Variants in U2AF2 observed in about 807,000 individuals in gnomAD.
U2AF2 encodes the protein U2 small nuclear RNA auxiliary factor 2.
In U2AF2, 6 loss-of-function variants were observed where a neutral mutation model predicts 52.6. The ratio of observed to expected loss-of-function variants is 0.11; its 90% CI spans 0.06 to 0.23. U2AF2 has a LOEUF of 0.23. Ranked by LOEUF, U2AF2 falls within the 10% of genes least tolerant of loss-of-function variation. The pLI, the probability that U2AF2 is intolerant of heterozygous loss-of-function variation, is 1.00. For missense variants in U2AF2, 222 were observed against 677.1 expected (o/e 0.33, Z 7.46); for synonymous variants, 284 against 258.2 (o/e 1.10, Z -0.96).
intron 11 of U2AF2, among the ~76,000 whole-genome samples, chr19:55,672,883 G>A (rs1333393554): frequency 6.6e-6 from 1 of 151,866 alleles, no homozygotes; most frequent in East Asian, 1.9e-4. Context: ...GACTTTGTGA[G>A]CCGCCCGTCT....
chr19:55,671,541 G>C lies in U2AF2; in HGVS notation c.1293+1849G>C, dbSNP rs145659291. The C allele has an allele frequency of 4.5e-3, 686 of 152,476 alleles. 2 individuals carry two copies. The highest frequency in any genetic ancestry group is 9.9e-3 in the Admixed American group (151 of 15,306). 9.4% of individuals were successfully genotyped at this position (152,476 alleles called of 1,614,324 possible). The stretch of plus-strand genomic sequence containing the variant: ...CTGTCGAGGCCCTGCTTGGGATGTC[G>C]GAGTGGTTTGCCCAGGGAGAGCAGG... On this transcript the variant is annotated intron_variant, in intron 11 of 11. Coordinates refer to ENST00000308924, the MANE Select transcript of U2AF2 (RefSeq NM_007279.3).
In U2AF2 at chr19:55,658,429, CAAAT is replaced by C. The variant is rs1470980516; in HGVS notation, c.50-779_50-776del. Among the ~76,000 whole-genome samples, 4 of 152,004 alleles carry C rather than the reference CAAAT, an allele frequency of 2.6e-5. No homozygotes were observed. In the East Asian group the frequency reaches 7.7e-4, roughly 29 times the overall value. The stretch of plus-strand genomic sequence containing the variant: ...CTCCGTTCCTAGTGGCTACCTCAGG[CAAAT>C]AGAGGGTTGAGGGAGCCTGCTGGAG... On this transcript the variant is annotated intron_variant, in intron 1 of 11. Coordinates refer to ENST00000308924, the MANE Select transcript of U2AF2 (RefSeq NM_007279.3).
intron 5 of U2AF2, among the ~76,000 whole-genome samples, chr19:55,661,520 ACACAC>A (rs1984197421): frequency 1.4e-5 from 2 of 147,714 alleles, no homozygotes. Flanking sequence ...ACACACACAC[ACACAC>A]ACACACACAC....
At position 55,655,074 on chromosome 19, in the gene U2AF2, G is replaced by T; in HGVS notation, c.-31G>T. On this transcript the variant is annotated 5_prime_UTR_variant, in exon 1 of 12. Transcript: ENST00000308924. ...GAGCGGGCGGCAAGGCGAGGCGAAA[G>T]CTGCACAGGGCCCTACGCGGCCGCC... The T allele has an allele frequency of 6.2e-7, 1 of 1,605,830 alleles. No individual in the cohort carries two copies. The highest frequency in any genetic ancestry group is 8.5e-7 in the Non-Finnish European group (1 of 1,177,504).
intron 11 of U2AF2, among the ~76,000 whole-genome samples, chr19:55,670,469 G>GTGCACCCTGCTGTCCC (rs1984834392): frequency 3.5e-5 from 1 of 28,788 alleles, no homozygotes; most frequent in Admixed American, 4.1e-4. Flanking sequence ...CTGCTGTCCC[G>GTGCACCCTGCTGTCCC]TGCACCCTGC....
intron 11 of U2AF2, among the ~76,000 whole-genome samples, chr19:55,673,134 G>T (rs1035992365): frequency 6.7e-6 from 1 of 149,708 alleles, no homozygotes; most frequent in Non-Finnish European, 1.5e-5. Context: ...GGCCATGCTG[G>T]TCTTGAACTC....
intron 7 of U2AF2, among the ~76,000 whole-genome samples, chr19:55,666,656 C>G (rs921379000): frequency 1.3e-5 from 2 of 152,258 alleles, no homozygotes; most frequent in Non-Finnish European, 2.9e-5. Context: ...TCTTCCCATT[C>G]TACAGATGAA....
intron 6 of U2AF2, 84 bp downstream of exon 6, chr19:55,662,702 T>C (rs1305511883): frequency 8.0e-7 from 1 of 1,253,284 alleles, no homozygotes; most frequent in Non-Finnish European, 1.1e-6. Context: ...TGGAGCTGCC[T>C]TGTGCTGTTT....
chr19:55,655,220 C>T (rs982337271), intron 1 of U2AF2, 67 bp downstream of exon 1: 11 of 1,518,388 alleles, frequency 7.2e-6, no homozygotes, highest in African/African-American at 1.4e-5. Context: ...GCCCCCCCGC[C>T]ATTTTCTCCC....
At chr19:55,663,200 C>T (rs1347355509) in intron 6 of U2AF2, among the ~76,000 whole-genome samples, 6 of 152,214 alleles carry the variant, frequency 3.9e-5, no homozygotes, top group Non-Finnish European at 7.3e-5. Flanking sequence ...GTCCCTCTCA[C>T]TCTGTCTTTG....
chr19:55,660,728 AGGGTTGCACACCCCTG>A (rs1600073008), intron 4 of U2AF2, 109 bp downstream of exon 4: 1 of 1,095,998 alleles, frequency 9.1e-7, no homozygotes, highest in Admixed American at 2.4e-5. Flanking sequence ...ACACAGGTAG[AGGGTTGCACACCCCTG>A]GGGGTTCTGG....
chr19:55,673,041 AAAG>A (rs1035034081), intron 11 of U2AF2, among the ~76,000 whole-genome samples: 3 of 151,680 alleles, frequency 2.0e-5, no homozygotes, highest in African/African-American at 7.3e-5. Context: ...CTCCCGAGTT[AAAG>A]AAGAGTAGCT....
intron 11 of U2AF2, chr19:55,670,664 G>A: frequency 4.1e-6 from 1 of 245,322 alleles, no homozygotes; most frequent in Non-Finnish European, 8.1e-6. Context: ...GCAGGTGAGT[G>A]AGCGAGGTGG....
intron 1 of U2AF2, among the ~76,000 whole-genome samples, chr19:55,657,286 C>T (rs537605450): frequency 1.1e-4 from 16 of 152,338 alleles, no homozygotes; most frequent in African/African-American, 3.1e-4. Context: ...ATTGTTTTTA[C>T]CTGTCCAGCA....
intron 1 of U2AF2, among the ~76,000 whole-genome samples, chr19:55,656,855 G>A (rs567171436): frequency 6.6e-6 from 1 of 152,348 alleles, no homozygotes. Flanking sequence ...AAAATTCCAT[G>A]CTTAGAGAGG....
chr19:55,661,606 C>T (rs2123679427), intron 5 of U2AF2, among the ~76,000 whole-genome samples: 1 of 151,418 alleles, frequency 6.6e-6, no homozygotes, highest in East Asian at 2.0e-4. Context: ...TGTCCCCTAT[C>T]CTCTCCCCCA....
chr19:55,669,068 A>C lies in U2AF2; in HGVS notation c.946-15A>C. 6.2e-7 allele frequency: 1 copy of C among 1,607,150 alleles called. No individual in the cohort carries two copies. Among genetic ancestry groups the C allele is most frequent in the South Asian group, 1.1e-5 (1 of 90,894 alleles). On this transcript the variant is annotated splice_polypyrimidine_tract_variant and intron_variant, in intron 9 of 11. Coordinates refer to ENST00000308924, the MANE Select transcript of U2AF2 (RefSeq NM_007279.3). ...CTCTCCCCGCACCCCCCGACCCCTC[A>C]TCCTCCAAACACAGGCCATTGCGGG...
At chr19:55,662,430 T>G in intron 5 of U2AF2, 72 bp from the exon 6 acceptor site, 1 of 499,388 alleles carries the variant, frequency 2.0e-6, no homozygotes, top group Non-Finnish European at 2.9e-6. Flanking sequence ...TGTGTCTCCC[T>G]CTCTCACCCT....
chr19:55,667,480 T>C (rs1316415476), intron 7 of U2AF2, among the ~76,000 whole-genome samples: 1 of 152,142 alleles, frequency 6.6e-6, no homozygotes, highest in Non-Finnish European at 1.5e-5. Flanking sequence ...TCAGGTTGAA[T>C]CATCCCACCA....
Sources: allele counts gnomAD v4.1 joint callset (sites outside exome capture counted in the v4.1 genomes callset), GRCh38; gene constraint gnomAD v4.1.1; transcripts MANE v1.5; gene names NCBI Gene and HGNC (gene_info 2026-07-23, HGNC 2026-07-21).